The following PPARD variants were observed in gnomAD, a reference collection of about 807,000 sequenced individuals.
The protein encoded by PPARD is peroxisome proliferator-activated receptor delta.
PPARD carries 6 observed loss-of-function variants against 39.5 expected under a neutral mutation model. The observed-to-expected ratio is 0.15, with a 90% CI of 0.08 to 0.30. The LOEUF is 0.30. PPARD is among the 10% of genes least tolerant of loss of function. PPARD has a pLI of 1.00. For missense variants in PPARD, 397 were observed against 596.8 expected (o/e 0.67, Z 3.49); for synonymous variants, 210 against 231.3 (o/e 0.91, Z 0.83).
rs571666073 is a variant in PPARD, at chr6:35,365,447, C to CT, written c.-102+18307dup. ...GAGCCACCACGCCCAGCCCCTCATT[C>CT]TTTTTTTTTTAACAGTTGGCTCATC... On this transcript the variant is annotated intron_variant, in intron 2 of 7. Coordinates refer to ENST00000360694, the MANE Select transcript of PPARD (RefSeq NM_006238.5). 8.3e-4 allele frequency among the ~76,000 whole-genome samples: 120 copies of CT among 144,574 alleles called. 1 individual carries two copies. Among genetic ancestry groups the CT allele is most frequent in the Middle Eastern group, 3.6e-3 (1 of 280 alleles). 94.8% of individuals were successfully genotyped at this position (144,574 alleles called of 152,430 possible).
At chr6:35,375,719 T>TA (rs956309147) in intron 2 of PPARD, among the ~76,000 whole-genome samples, 11 of 151,280 alleles carry the variant, frequency 7.3e-5, no homozygotes, top group African/African-American at 1.7e-4. Flanking sequence ...TCAGATAATT[T>TA]AAAAAAAAAT....
At chr6:35,358,027 C>T (rs1253663563) in intron 2 of PPARD, among the ~76,000 whole-genome samples, 1 of 152,058 alleles carries the variant, frequency 6.6e-6, no homozygotes, top group Non-Finnish European at 1.5e-5. Flanking sequence ...CCTTTATAAC[C>T]CCTGTAACCT....
chr6:35,387,761 T>C (rs1446963819), intron 2 of PPARD, among the ~76,000 whole-genome samples: 2 of 141,272 alleles, frequency 1.4e-5, no homozygotes, highest in Non-Finnish European at 3.0e-5. Context: ...TTGTGCTGTC[T>C]CCCAGGCTAG....
intron 2 of PPARD, among the ~76,000 whole-genome samples, chr6:35,374,245 G>C (rs1173688877): frequency 1.3e-5 from 2 of 150,664 alleles, no homozygotes; most frequent in East Asian, 3.9e-4. Flanking sequence ...GCAGAACTTA[G>C]ATGGACCAGG....
Position 35,424,846 on chromosome 6 carries a change from G to T in PPARD, c.1078+67G>T. 6.4e-7 allele frequency: 1 copy of T among 1,562,930 alleles called. No individual in the cohort carries two copies. On this transcript the variant is annotated intron_variant, in intron 7 of 7. Coordinates refer to ENST00000360694, the MANE Select transcript of PPARD (RefSeq NM_006238.5). This position sits in a 1 kb window ranked among gnomAD's most constrained non-coding sequence, Gnocchi z 7.1. The stretch of plus-strand genomic sequence containing the variant: ...GTCGTCCTGGGGGTTGGCCCTCACT[G>T]CAGGGCACTGTGCCTGAGCTCTGAC...
intron 2 of PPARD, among the ~76,000 whole-genome samples, chr6:35,389,652 C>A (rs1031506565): frequency 5.3e-5 from 8 of 152,204 alleles, no homozygotes; most frequent in Non-Finnish European, 1.0e-4. Context: ...TGTAGGAATT[C>A]ATGGGGCTTA....
intron 2 of PPARD, among the ~76,000 whole-genome samples, chr6:35,392,556 C>A (rs1033101422): frequency 7.2e-5 from 11 of 152,224 alleles, no homozygotes; most frequent in South Asian, 2.1e-4. Flanking sequence ...ATTGCCTCAG[C>A]CTGCCTGGGT....
intron 2 of PPARD, among the ~76,000 whole-genome samples, chr6:35,374,665 A>AC (rs1762699246): frequency 1.3e-5 from 2 of 151,806 alleles, no homozygotes. Flanking sequence ...CTCAAAAAAA[A>AC]AAAAAAAGAA....
At chr6:35,359,209 C>T (rs9658076) in intron 2 of PPARD, among the ~76,000 whole-genome samples, 233 of 152,288 alleles carry the variant, frequency 1.5e-3, no homozygotes, top group Admixed American at 3.1e-3. Flanking sequence ...AAGTTAGAGA[C>T]GAGATTGGTG....
intron 2 of PPARD, among the ~76,000 whole-genome samples, chr6:35,396,228 A>G (rs371966325): frequency 2.0e-5 from 3 of 150,474 alleles, no homozygotes; most frequent in African/African-American, 7.3e-5. Flanking sequence ...TTTTTTAGAC[A>G]GAGTCTCGCT....
In PPARD at chr6:35,421,974, G is replaced by T; in HGVS notation, c.424+16G>T. The T allele has an allele frequency of 6.3e-7, 1 of 1,590,182 alleles. No individual in the cohort carries two copies. On this transcript the variant is annotated intron_variant, in intron 5 of 7. Transcript: ENST00000360694. ...TCACACAACGGTGAGAGCTGACCAG[G>T]GCAACTCACGGGCTGCTGGCTCCAC...
At chr6:35,415,776 A>C (rs1177511438) in intron 3 of PPARD, among the ~76,000 whole-genome samples, 1 of 109,634 alleles carries the variant, frequency 9.1e-6, no homozygotes, top group Non-Finnish European at 1.7e-5. Flanking sequence ...GAGAAGGAGA[A>C]CCTGTGTGTG....
chr6:35,402,159 T>C (rs533362389), intron 2 of PPARD, among the ~76,000 whole-genome samples: 34 of 152,252 alleles, frequency 2.2e-4, no homozygotes, highest in African/African-American at 6.5e-4. Flanking sequence ...TGTGAAGAAA[T>C]TGGATAACAT....
At chr6:35,380,916 C>A (rs992373475) in intron 2 of PPARD, among the ~76,000 whole-genome samples, 2 of 152,216 alleles carry the variant, frequency 1.3e-5, no homozygotes, top group Non-Finnish European at 2.9e-5. Flanking sequence ...TTCTCTAAAT[C>A]ATAGCAGCAA....
chr6:35,385,660 A>C (rs9470010), intron 2 of PPARD, among the ~76,000 whole-genome samples: 5,689 of 150,058 alleles, frequency 0.038, 412 homozygotes, highest in African/African-American at 0.13. Flanking sequence ...AAAAAAAAAA[A>C]AAAAAAACAA....
At chr6:35,388,003 C>G (rs9470012) in intron 2 of PPARD, among the ~76,000 whole-genome samples, 1 of 150,538 alleles carries the variant, frequency 6.6e-6, no homozygotes, top group African/African-American at 2.5e-5. Context: ...ATTACAGGTG[C>G]GAGCCACCAC....
chr6:35,347,516 G>A (rs561731590), intron 2 of PPARD, among the ~76,000 whole-genome samples: 2 of 152,086 alleles, frequency 1.3e-5, no homozygotes, highest in South Asian at 2.1e-4. Flanking sequence ...TTTCGTCTTT[G>A]CCTATATGGG....
At chr6:35,375,098 C>T (rs749774069) in intron 2 of PPARD, among the ~76,000 whole-genome samples, 2 of 151,664 alleles carry the variant, frequency 1.3e-5, no homozygotes, top group African/African-American at 2.4e-5. Context: ...ATCTGACAAT[C>T]TGTCTTAAGT....
rs141390298 is a variant in PPARD, at chr6:35,410,651, C to T, written c.-101-336C>T. 3.1e-4 allele frequency among the ~76,000 whole-genome samples: 47 copies of T among 152,268 alleles called. 1 individual carries two copies. The East Asian group carries it at 7.2e-3, about 23-fold the overall frequency. On this transcript the variant is annotated intron_variant, in intron 2 of 7. Coordinates refer to ENST00000360694, the MANE Select transcript of PPARD (RefSeq NM_006238.5). ...AGGTGGGCTGGAGAGTTGGGAAAAG[C>T]CCCTCAAGTCATTCCAATGTGCTTC...
Sources: gnomAD v4.1 joint callset for allele counts (sites outside exome capture counted in the v4.1 genomes callset) on GRCh38, gnomAD v4.1.1 for gene constraint, Gnocchi (gnomAD v3.1) non-coding constraint, MANE v1.5 for transcripts, NCBI Gene and HGNC (gene_info 2026-07-23, HGNC 2026-07-21) for gene names.